The following GPBP1L1 variants were observed in gnomAD, a reference collection of about 807,000 sequenced individuals.
GPBP1L1 encodes vasculin-like protein 1.
GPBP1L1 carries 23 observed loss-of-function variants against 52.5 expected under a neutral mutation model. The observed-to-expected ratio is 0.44, with a 90% CI of 0.32 to 0.62. The LOEUF is 0.62. GPBP1L1 is among the 20% of genes least tolerant of loss of function. GPBP1L1 has a pLI of 0.06. For synonymous variants in GPBP1L1, 243 were observed against 203.1 expected (o/e 1.20, Z -1.67); for missense variants, 596 against 579.3 (o/e 1.03, Z -0.30).
At chr1:45,654,915 G>C (rs988796573) in intron 5 of GPBP1L1, 86 bp from the exon 6 acceptor site, 1 of 1,310,140 alleles carries the variant, frequency 7.6e-7, no homozygotes, top group African/African-American at 1.5e-5. Flanking sequence ...AGGAGACCTC[G>C]TTAATAAAAA....
intron 2 of GPBP1L1, among the ~76,000 whole-genome samples, chr1:45,672,946 C>A (rs1645091861): frequency 6.6e-6 from 1 of 152,140 alleles, no homozygotes; most frequent in African/African-American, 2.4e-5. Flanking sequence ...GAACTGGAGA[C>A]TAAAAGTATA....
rs770447880 is a variant in GPBP1L1, at chr1:45,654,714, A to C, written c.306T>G (p.Gly102=). ...CACTACGTTGGCTCATGCCATCATGACCTCGGGAAGAGCTATGCCAACCAG... is the reference window on the plus strand; with the variant it reads ...CACTACGTTGGCTCATGCCATCATGCCCTCGGGAAGAGCTATGCCAACCAG... ...NPSGWHSSSR[G]HDGMSQRSGG... is the part of the protein sequence containing the mutation. The change falls in exon 6 of 13, where the codon GGT becomes GGG. Residue 102 remains glycine (G), a synonymous_variant. Coordinates refer to ENST00000355105, the MANE Select transcript of GPBP1L1 (RefSeq NM_021639.5). 1 of 1,614,148 alleles carries C rather than the reference A, an allele frequency of 6.2e-7. No individual in the cohort carries two copies. The highest frequency in any genetic ancestry group is 8.5e-7 in the Non-Finnish European group (1 of 1,180,020).
rs778551561 is a variant in GPBP1L1, at chr1:45,629,555, GGAA to G, written c.1272+18_1272+20del. Reference sequence around the variant, plus strand: ...TCTCCTGGTTACTAACTGGTCTCTAGGAAGAAGGTTTACAACATACCTGCTCTG... The same window carrying G: ...TCTCCTGGTTACTAACTGGTCTCTAGGAAGGTTTACAACATACCTGCTCTG... On this transcript the variant is annotated intron_variant, in intron 12 of 12. Coordinates refer to ENST00000355105, the MANE Select transcript of GPBP1L1 (RefSeq NM_021639.5). 7.0e-6 allele frequency: 10 copies of G among 1,438,408 alleles called. No homozygotes were observed. The highest frequency in any genetic ancestry group is 1.4e-5 in the African/African-American group (1 of 69,084). The allele number at this position is 1,438,408 out of a possible 1,614,324, so 89.1% of individuals were successfully genotyped here.
chr1:45,678,745 C>A (rs1195063015), intron 2 of GPBP1L1, among the ~76,000 whole-genome samples: 2 of 152,128 alleles, frequency 1.3e-5, no homozygotes, highest in Non-Finnish European at 2.9e-5. Flanking sequence ...GGTCCTGAAT[C>A]AGATAATGGC....
Position 45,648,428 on chromosome 1 carries a change from T to C in GPBP1L1, c.478-5929A>G, listed in dbSNP as rs140933522. 3.3e-5 allele frequency among the ~76,000 whole-genome samples: 5 copies of C among 152,348 alleles called. No individual in the cohort carries two copies. In the East Asian group the frequency reaches 9.6e-4, roughly 29 times the overall value. On this transcript the variant is annotated intron_variant, in intron 6 of 12. Transcript: ENST00000355105. ...TCCCAGAGCCCCTGTATTTACTTGT[T>C]ATTCCATTACGGAAAACTACTCCCG...
chr1:45,674,728 G>C (rs1379659179), intron 2 of GPBP1L1, among the ~76,000 whole-genome samples: 1 of 152,250 alleles, frequency 6.6e-6, no homozygotes. Flanking sequence ...TACAGGGTAT[G>C]TGTTGCCAGA....
At chr1:45,654,853 A>G (rs923730340) in intron 5 of GPBP1L1, 24 bp from the exon 6 acceptor site, 3 of 1,600,142 alleles carry the variant, frequency 1.9e-6, no homozygotes, top group African/African-American at 1.3e-5. Context: ...GAAAAGGACT[A>G]ATTAGATTGT....
intron 4 of GPBP1L1, among the ~76,000 whole-genome samples, chr1:45,657,668 T>C (rs1644900964): frequency 6.6e-6 from 1 of 151,982 alleles, no homozygotes; most frequent in African/African-American, 2.4e-5. Context: ...TTGGGCAACA[T>C]GGTGAGACCC....
chr1:45,639,911 TAAAAA>T, intron 8 of GPBP1L1, among the ~76,000 whole-genome samples: 1 of 147,364 alleles, frequency 6.8e-6, no homozygotes, highest in African/African-American at 2.5e-5. Flanking sequence ...ATAAAATAAA[TAAAAA>T]AAATAGCCGG....
At chr1:45,657,861 G>A (rs1644903323) in intron 4 of GPBP1L1, among the ~76,000 whole-genome samples, 2 of 151,978 alleles carry the variant, frequency 1.3e-5, no homozygotes, top group Admixed American at 1.3e-4. Context: ...AAATAAATGA[G>A]TAAAATAAAA....
intron 6 of GPBP1L1, among the ~76,000 whole-genome samples, chr1:45,646,811 C>A (rs1230009776): frequency 1.3e-5 from 2 of 152,140 alleles, no homozygotes; most frequent in Admixed American, 6.5e-5. Flanking sequence ...CCCCCCTCGG[C>A]CTCCCAAACT....
chr1:45,655,367 C>G, intron 4 of GPBP1L1, 48 bp from the exon 5 acceptor site: 2 of 1,591,902 alleles, frequency 1.3e-6, no homozygotes, highest in Non-Finnish European at 1.7e-6. Flanking sequence ...AGCTATTAGT[C>G]CTTTTCAATA....
chr1:45,637,962 T>C (rs551060676), intron 8 of GPBP1L1, among the ~76,000 whole-genome samples: 126 of 152,348 alleles, frequency 8.3e-4, no homozygotes, highest in Middle Eastern at 3.4e-3. Context: ...CTCAAGGACG[T>C]AAGATGAAGA....
intron 6 of GPBP1L1, among the ~76,000 whole-genome samples, chr1:45,650,387 A>G (rs1300149270): frequency 6.6e-6 from 1 of 152,226 alleles, no homozygotes; most frequent in Non-Finnish European, 1.5e-5. Context: ...AACAGCTACC[A>G]TTTAAAAATC....
chr1:45,677,823 G>GT (rs1182056050), intron 2 of GPBP1L1, among the ~76,000 whole-genome samples: 1 of 152,058 alleles, frequency 6.6e-6, no homozygotes, highest in East Asian at 1.9e-4. Flanking sequence ...CTATCAAACT[G>GT]GCAAAAGAAA....
chr1:45,640,167 A>G (rs1220589846), intron 8 of GPBP1L1, 43 bp downstream of exon 8: 1 of 1,475,394 alleles, frequency 6.8e-7, no homozygotes, highest in Non-Finnish European at 9.3e-7. Flanking sequence ...TTTATTCCCA[A>G]ACCTCTCTTG....
In GPBP1L1 at chr1:45,660,299, G is replaced by C. The variant is rs892294550; in HGVS notation, c.-171C>G. 3 of 985,232 alleles carry C rather than the reference G, an allele frequency of 3.0e-6. No homozygotes were observed. The African/African-American group carries it at 5.2e-5, about 17-fold the overall frequency. 61.0% of individuals were successfully genotyped at this position (985,232 alleles called of 1,614,324 possible). A position where few individuals can be genotyped will look rare whatever the true frequency, so the allele number is the denominator to read the frequency against. ...TAACCTGGCCGGCAGCACGACTTAT[G>C]ATGAAGCACGAAGAAGCCAGGTTCT... On this transcript the variant is annotated 5_prime_UTR_variant, in exon 3 of 13. It adds an upstream start codon to the 5' untranslated region. Transcript: ENST00000355105.
At chr1:45,643,198 C>T (rs1644695845) in intron 6 of GPBP1L1, among the ~76,000 whole-genome samples, 1 of 152,142 alleles carries the variant, frequency 6.6e-6, no homozygotes, top group East Asian at 1.9e-4. Context: ...ACGGTAATTC[C>T]AGGAACAGAA....
intron 4 of GPBP1L1, among the ~76,000 whole-genome samples, chr1:45,658,186 G>C (rs1644906490): frequency 6.6e-6 from 1 of 152,118 alleles, no homozygotes; most frequent in Non-Finnish European, 1.5e-5. Context: ...CTATTAAGTA[G>C]GTTAATGCCT....
Sources: allele counts gnomAD v4.1 joint callset (sites outside exome capture counted in the v4.1 genomes callset), GRCh38; gene constraint gnomAD v4.1.1; transcripts MANE v1.5; gene names NCBI Gene and HGNC (gene_info 2026-07-23, HGNC 2026-07-21).